PCDH15: variants seen among roughly 807,000 people sequenced by gnomAD.
PCDH15 encodes the protein protocadherin-15.
Under a neutral mutation model 178.5 loss-of-function variants are expected in PCDH15, and 129 were observed. The ratio of observed to expected loss-of-function variants is 0.72; its 90% confidence interval spans 0.63 to 0.84. PCDH15 has a LOEUF of 0.84. Ranked by LOEUF, PCDH15 falls within the 40% of genes least tolerant of loss-of-function variation. The pLI is 0.00. For synonymous variants in PCDH15, 800 were observed against 732.0 expected (o/e 1.09, Z -1.50); for missense variants, 2,230 against 2,099.9 (o/e 1.06, Z -1.21).
intron 29 of PCDH15, among the ~76,000 whole-genome samples, chr10:53,834,925 A>G (rs375730538): frequency 6.6e-6 from 1 of 152,316 alleles, no homozygotes; most frequent in South Asian, 2.1e-4. Flanking sequence ...CAGTAGAGGG[A>G]CAACTGTCTA....
Position 54,927,891 on chromosome 10 carries a change from C to T in PCDH15, c.-79-30391G>A, listed in dbSNP as rs180955394. Reference sequence around the variant, plus strand: ...CAATAGGTATTGGTTCTTTATCTAGCTTGCCACTCTGTGCCTTTTAATTGG... The same window carrying T: ...CAATAGGTATTGGTTCTTTATCTAGTTTGCCACTCTGTGCCTTTTAATTGG... On this transcript the variant is annotated intron_variant, in intron 2 of 5. Transcript: ENST00000458638. Among the ~76,000 whole-genome samples, 8 of 152,116 alleles carry T rather than the reference C, an allele frequency of 5.3e-5. No homozygotes were observed. The East Asian group carries it at 1.5e-3, about 29-fold the overall frequency.
At chr10:54,790,611 G>A (rs1019227040) in intron 1 of PCDH15, among the ~76,000 whole-genome samples, 1 of 151,772 alleles carries the variant, frequency 6.6e-6, no homozygotes, top group Non-Finnish European at 1.5e-5. Context: ...ATGTGTTGCA[G>A]ATCATTCCCC....
intron 2 of PCDH15, among the ~76,000 whole-genome samples, chr10:55,097,497 C>G (rs925977083): frequency 6.6e-6 from 1 of 152,070 alleles, no homozygotes; most frequent in East Asian, 1.9e-4. Context: ...AGTGGTCAGT[C>G]CTCTCCAGTG....
intron 7 of PCDH15, among the ~76,000 whole-genome samples, chr10:54,323,700 C>T (rs2061750502): frequency 1.3e-5 from 2 of 152,054 alleles, no homozygotes; most frequent in South Asian, 4.2e-4. Flanking sequence ...GAACAGTAGA[C>T]TGTGAACTGC....
chr10:55,061,617 T>G (rs929726047), intron 2 of PCDH15, among the ~76,000 whole-genome samples: 2 of 152,184 alleles, frequency 1.3e-5, no homozygotes, highest in Non-Finnish European at 1.5e-5. Context: ...TATAGAACCT[T>G]TATTCATAAT....
intron 6 of PCDH15, among the ~76,000 whole-genome samples, chr10:54,340,674 G>A (rs189703241): frequency 6.6e-6 from 1 of 152,290 alleles, no homozygotes; most frequent in East Asian, 1.9e-4. Flanking sequence ...AGACGGCTAA[G>A]TGGGTGACTT....
intron 36 of PCDH15, 120 bp from the exon 37 acceptor site, chr10:53,810,784 CTA>C (rs1399606758): frequency 3.4e-6 from 3 of 888,506 alleles, no homozygotes; most frequent in Non-Finnish European, 5.5e-6. Context: ...TACACAGCAC[CTA>C]TCAGGCTCCT....
At chr10:55,315,299 T>C (rs577413431) in intron 1 of PCDH15, among the ~76,000 whole-genome samples, 1 of 152,286 alleles carries the variant, frequency 6.6e-6, no homozygotes, top group African/African-American at 2.4e-5. Flanking sequence ...TTTTGTAAAA[T>C]AATTACAAAT....
At chr10:53,903,541 C>T (rs1425751927) in intron 25 of PCDH15, among the ~76,000 whole-genome samples, 171 bp from the exon 26 acceptor site, 1 of 152,100 alleles carries the variant, frequency 6.6e-6, no homozygotes, top group Non-Finnish European at 1.5e-5. Flanking sequence ...GATAATGATG[C>T]TTCTGGTATA....
chr10:55,080,648 A>C lies in PCDH15; in HGVS notation c.-80+85928T>G, dbSNP rs1842016919. Among the ~76,000 whole-genome samples, 3 of 152,138 alleles carry C rather than the reference A, an allele frequency of 2.0e-5. No homozygotes were observed. In the South Asian group the frequency reaches 6.2e-4, roughly 32 times the overall value. On this transcript the variant is annotated intron_variant, in intron 2 of 5. Coordinates refer to the PCDH15 transcript ENST00000458638. ...CTCGTCCTTTGCACACACAGGCATA[A>C]GCATGGAGACTGTGCTACCAGAGTG...
intron 9 of PCDH15, among the ~76,000 whole-genome samples, chr10:54,231,274 C>T (rs2054035525): frequency 6.6e-6 from 1 of 152,250 alleles, no homozygotes; most frequent in Admixed American, 6.5e-5. Context: ...CCAGATATGC[C>T]TCAGGCCTCT....
rs186123029 is a variant in PCDH15 at position 53,965,170 on chromosome 10, G to T, written c.2869-3278C>A. On this transcript the variant is annotated intron_variant, in intron 21 of 37. Transcript: ENST00000644397. ...CCTCTCAGGTTCAAGTGATTCTCCT[G>T]CCTCAGCCTCTCAGGCAGCTGGGAC... is the stretch of plus-strand genomic sequence containing the variant. Among the ~76,000 whole-genome samples the T allele has an allele frequency of 2.4e-3, 363 of 151,610 alleles. 5 individuals are homozygous for T. The highest frequency in any genetic ancestry group is 7.6e-3 in the African/African-American group (315 of 41,300).
At chr10:53,830,329 T>A (rs922176038) in intron 30 of PCDH15, among the ~76,000 whole-genome samples, 1 of 151,710 alleles carries the variant, frequency 6.6e-6, no homozygotes, top group East Asian at 2.0e-4. Flanking sequence ...AAGTAAAGAA[T>A]ACATAAGAAC....
At chr10:55,430,430 T>C in intron 2 of PCDH15, among the ~76,000 whole-genome samples, 1 of 152,228 alleles carries the variant, frequency 6.6e-6, no homozygotes, top group East Asian at 1.9e-4. Context: ...TATGTTTTGA[T>C]ATATTTTGAC....
chr10:55,202,706 C>T (rs563695798), intron 1 of PCDH15, among the ~76,000 whole-genome samples: 1 of 152,092 alleles, frequency 6.6e-6, no homozygotes, highest in Non-Finnish European at 1.5e-5. Context: ...CCCCCCGTGT[C>T]AAGGGAGGGA....
At chr10:54,864,539 T>A (rs1320531605) in intron 3 of PCDH15, 4 of 152,148 alleles carry the variant, frequency 2.6e-5, no homozygotes, top group Non-Finnish European at 5.9e-5. Context: ...ATCCTGAAAC[T>A]TAGTGGCAAA....
chr10:54,381,845 G>C (rs1949273542), intron 3 of PCDH15, among the ~76,000 whole-genome samples: 1 of 152,196 alleles, frequency 6.6e-6, no homozygotes, highest in Non-Finnish European at 1.5e-5. Context: ...TAGAAGTTAA[G>C]AGAGCTGGCC....
chr10:54,170,381 G>A (rs2046763287), intron 13 of PCDH15, among the ~76,000 whole-genome samples: 1 of 151,976 alleles, frequency 6.6e-6, no homozygotes, highest in African/African-American at 2.4e-5. Context: ...TACTGTTTTA[G>A]TCTAGCCCTC....
intron 3 of PCDH15, among the ~76,000 whole-genome samples, chr10:54,446,472 T>C (rs548636686): frequency 8.6e-5 from 13 of 151,812 alleles, no homozygotes; most frequent in African/African-American, 3.1e-4. Flanking sequence ...TTTCATTATT[T>C]GAAACTGTAT....
Sources: allele counts gnomAD v4.1 joint callset (sites outside exome capture counted in the v4.1 genomes callset), GRCh38; gene constraint gnomAD v4.1.1; transcripts MANE v1.5; gene names NCBI Gene and HGNC (gene_info 2026-07-23, HGNC 2026-07-21).